KIF15: variants seen among roughly 807,000 people sequenced by gnomAD.
KIF15 encodes the protein kinesin family member 15.
A neutral mutation model predicts 190.6 loss-of-function variants in KIF15; 140 were observed. The ratio of observed to expected loss-of-function variants is 0.73; its 90% CI spans 0.64 to 0.84. KIF15 has a LOEUF of 0.84. Among genes scored for constraint, KIF15 ranks in the 40% least tolerant of loss-of-function variants. KIF15 has a pLI of 0.00. For missense variants in KIF15, 1,372 were observed against 1,584.4 expected (o/e 0.87, Z 2.28); for synonymous variants, 528 against 551.3 (o/e 0.96, Z 0.59).
chr3:44,777,989 C>CT, intron 3 of KIF15, 126 bp from the exon 4 acceptor site: 1 of 734,574 alleles, frequency 1.4e-6, no homozygotes, highest in South Asian at 1.5e-5. Context: ...ATAGTTTAGC[C>CT]TTTTTTCTGT....
At chr3:44,838,536 A>C in intron 27 of KIF15, 115 bp downstream of exon 27, 1 of 1,029,452 alleles carries the variant, frequency 9.7e-7, no homozygotes, top group Non-Finnish European at 1.4e-6. Context: ...TGAAGTCAGG[A>C]GTTCAAGAGC....
At position 44,828,312 on chromosome 3, in the gene KIF15, T is replaced by C; in HGVS notation, c.2943+12T>C. ...GAGATTCTGATAAGGTTGGTAGAGT[T>C]TGAAGCTACATCTCTCTGTGCATTT... On this transcript the variant is annotated intron_variant, in intron 24 of 34. Coordinates refer to ENST00000326047, the MANE Select transcript of KIF15 (RefSeq NM_020242.3). 2 of 1,568,190 alleles carry C rather than the reference T, an allele frequency of 1.3e-6. No homozygotes were observed. Among genetic ancestry groups the C allele is most frequent in the East Asian group, 4.5e-5 (2 of 44,634 alleles).
At chr3:44,778,809 G>A (rs547340683) in intron 4 of KIF15, among the ~76,000 whole-genome samples, 3 of 151,332 alleles carry the variant, frequency 2.0e-5, no homozygotes, top group East Asian at 3.9e-4. Flanking sequence ...TGAGACCCCC[G>A]TCTCTACTAA....
At chr3:44,845,950 T>C (rs971283440) in intron 30 of KIF15, among the ~76,000 whole-genome samples, 3 of 152,236 alleles carry the variant, frequency 2.0e-5, no homozygotes, top group Admixed American at 6.5e-5. Context: ...CTTTAAAAGC[T>C]TTCCCTTTCC....
chr3:44,855,658 G>A (rs146730279), downstream of KIF15, among the ~76,000 whole-genome samples: 147 of 152,240 alleles, frequency 9.7e-4, 4 homozygotes, highest in East Asian at 0.027. Context: ...ATTGAAGAAA[G>A]ATTTTGGGGT....
intron 26 of KIF15, among the ~76,000 whole-genome samples, chr3:44,835,582 C>G (rs1698271278): frequency 6.6e-6 from 1 of 151,928 alleles, no homozygotes; most frequent in African/African-American, 2.4e-5. Context: ...TTTAAGGTTC[C>G]TTTGAAAAAA....
chr3:44,824,603 A>G (rs1422988987), intron 20 of KIF15, among the ~76,000 whole-genome samples: 3 of 152,162 alleles, frequency 2.0e-5, no homozygotes, highest in Admixed American at 6.5e-5. Flanking sequence ...AACTCAAACT[A>G]TTTTGTGTAA....
At chr3:44,789,677 T>C (rs868441582) in intron 7 of KIF15, among the ~76,000 whole-genome samples, 1,633 of 43,426 alleles carry the variant, frequency 0.038, 119 homozygotes, top group African/African-American at 0.083. Context: ...TATATATATA[T>C]ATATATATAT....
At chr3:44,772,173 C>A (rs1705671810) in intron 1 of KIF15, among the ~76,000 whole-genome samples, 1 of 152,156 alleles carries the variant, frequency 6.6e-6, no homozygotes. Context: ...TTCTGTTCAC[C>A]AATTTCGTAA....
intron 6 of KIF15, chr3:44,865,092 G>C (rs1559603124): frequency 6.2e-7 from 1 of 1,614,148 alleles, no homozygotes; most frequent in Middle Eastern, 1.6e-4. Context: ...TTGTGGTGGG[G>C]AGGAGTGTTC....
chr3:44,827,109 G>A, intron 22 of KIF15: 2 of 441,136 alleles, frequency 4.5e-6, no homozygotes, highest in South Asian at 3.3e-5. Context: ...GCACTGATCT[G>A]GTGAATTCCA....
chr3:44,847,037 G>A (rs1698879596), intron 30 of KIF15, among the ~76,000 whole-genome samples: 1 of 152,210 alleles, frequency 6.6e-6, no homozygotes, highest in African/African-American at 2.4e-5. Context: ...CCCAAAGCCT[G>A]AAATATTTAC....
At position 44,851,867 on chromosome 3, in the gene KIF15, C is replaced by T; in HGVS notation, c.3887C>T (p.Thr1296Ile). 2 of 1,614,008 alleles carry T rather than the reference C, an allele frequency of 1.2e-6. No homozygotes were observed. The highest frequency in any genetic ancestry group is 4.5e-5 in the East Asian group (2 of 44,880). The change falls in exon 33 of 35, where the codon ACT (threonine) becomes ATT (isoleucine). Residue 1296 changes from threonine (T) to isoleucine (I), a missense_variant. Physicochemically the swap from Thr to Ile is moderately conservative, Grantham distance 89. Transcript: ENST00000326047. ...RMTDEVERTQ[T>I]LESKAFQEKE... ...ACTGATGAAGTCGAACGAACCCAAA[C>T]TTTGGAGTCTAAAGCATTCCAGGAA...
intron 24 of KIF15, among the ~76,000 whole-genome samples, chr3:44,829,414 CATATGTATATATAATAT>C (rs1299613455): frequency 7.4e-6 from 1 of 135,676 alleles, no homozygotes; most frequent in African/African-American, 2.8e-5. Context: ...ATATATATTA[CATATGTATATATAATAT>C]ATATGTATAT....
chr3:44,806,432 G>T lies in KIF15; in HGVS notation c.1971+446G>T, dbSNP rs72875752. ...ATAGAAACCCTAATGGGCAAAGACC[G>T]CTAAGGGATCACAGGTGCCACTGGA... On this transcript the variant is annotated intron_variant, in intron 16 of 34. Coordinates refer to ENST00000326047, the MANE Select transcript of KIF15 (RefSeq NM_020242.3). Among the ~76,000 whole-genome samples, 716 of 152,152 alleles carry T rather than the reference G, an allele frequency of 4.7e-3. 4 individuals carry two copies. The highest frequency in any genetic ancestry group is 0.016 in the African/African-American group (654 of 41,510).
At chr3:44,804,909 G>A in intron 14 of KIF15, 118 bp from the exon 15 acceptor site, 1 of 1,078,058 alleles carries the variant, frequency 9.3e-7, no homozygotes, top group South Asian at 1.8e-5. Flanking sequence ...AGAATTTGGG[G>A]CTTTAGTACA....
intron 20 of KIF15, among the ~76,000 whole-genome samples, chr3:44,822,036 A>G (rs1697369574): frequency 6.6e-6 from 1 of 152,230 alleles, no homozygotes; most frequent in Non-Finnish European, 1.5e-5. Flanking sequence ...AGGCAGGAGA[A>G]TCAGGCAGGG....
intron 15 of KIF15, 75 bp from the exon 16 acceptor site, chr3:44,805,770 A>G: frequency 7.5e-7 from 1 of 1,326,714 alleles, no homozygotes; most frequent in Non-Finnish European, 1.1e-6. Flanking sequence ...ATGTGAGAGC[A>G]TAAACTGTAA....
At chr3:44,763,660 G>A (rs1308095599) in intron 1 of KIF15, among the ~76,000 whole-genome samples, 1 of 151,434 alleles carries the variant, frequency 6.6e-6, no homozygotes, top group Admixed American at 6.6e-5. Flanking sequence ...TGAAATCAGA[G>A]AAATGAAAAA....
Sources: gnomAD v4.1 joint callset for allele counts (sites outside exome capture counted in the v4.1 genomes callset) on GRCh38, gnomAD v4.1.1 for gene constraint, MANE v1.5 for transcripts, NCBI Gene and HGNC (gene_info 2026-07-23, HGNC 2026-07-21) for gene names.